The following SHISA9 variants were observed in gnomAD, a reference collection of about 807,000 sequenced individuals.
SHISA9 encodes shisa family member 9.
Under a neutral mutation model 38.0 loss-of-function variants are expected in SHISA9, and 13 were observed. That is an observed-to-expected ratio of 0.34 (90% CI 0.22 to 0.54). SHISA9 has a LOEUF of 0.54. SHISA9 is among the 20% of genes least tolerant of loss of function. SHISA9 has a pLI of 0.91. For missense variants in SHISA9, 538 were observed against 575.8 expected, an observed-to-expected ratio of 0.93 and a Z score of 0.67; for synonymous variants, 275 against 242.0, an observed-to-expected ratio of 1.14 and a Z score of -1.27.
intron 2 of SHISA9, among the ~76,000 whole-genome samples, chr16:13,060,180 C>A (rs536669256): frequency 5.3e-5 from 8 of 152,116 alleles, no homozygotes; most frequent in Non-Finnish European, 2.9e-5. Context: ...TCTCTCAATG[C>A]GCCCCGATGT....
At chr16:13,542,837 A>G in the SHISA9 span, among the ~76,000 whole-genome samples, 3 of 152,200 alleles carry the variant, frequency 2.0e-5, no homozygotes, top group African/African-American at 4.8e-5. Context: ...TTGGGGCTCG[A>G]GCAGCATCAA....
At chr16:13,017,720 G>A (rs2072774618) in intron 2 of SHISA9, among the ~76,000 whole-genome samples, 1 of 152,168 alleles carries the variant, frequency 6.6e-6, no homozygotes, top group Non-Finnish European at 1.5e-5. Flanking sequence ...GAATAGTTAA[G>A]TAGTAGACTC....
intron 2 of SHISA9, among the ~76,000 whole-genome samples, chr16:13,178,478 C>T (rs1479162946): frequency 2.6e-5 from 4 of 152,164 alleles, no homozygotes; most frequent in Admixed American, 6.5e-5. Flanking sequence ...TCTCCAAGCT[C>T]CCGACACAGC....
At chr16:13,136,347 C>T (rs564621507) in intron 2 of SHISA9, among the ~76,000 whole-genome samples, 1 of 148,166 alleles carries the variant, frequency 6.7e-6, no homozygotes, top group South Asian at 2.2e-4. Context: ...TAAATGTGCA[C>T]TTTCTCTGCT....
chr16:13,424,183 A>G, the SHISA9 span, among the ~76,000 whole-genome samples: 1 of 151,252 alleles, frequency 6.6e-6, no homozygotes, highest in African/African-American at 2.4e-5. Flanking sequence ...ACTCACGCCA[A>G]TTCTGCATTA....
chr16:13,365,454 CTTTTTTTT>C, the SHISA9 span, among the ~76,000 whole-genome samples: 1 of 112,522 alleles, frequency 8.9e-6, no homozygotes, highest in African/African-American at 3.5e-5. Context: ...GAGTATACCT[CTTTTTTTT>C]TTTTTTTTTT....
the SHISA9 span, among the ~76,000 whole-genome samples, chr16:13,366,581 G>T: frequency 6.6e-6 from 1 of 152,120 alleles, no homozygotes; most frequent in African/African-American, 2.4e-5. Context: ...AGAGGCTCAT[G>T]CCTGTAATCC....
At chr16:13,162,440 G>A (rs191478410) in intron 2 of SHISA9, among the ~76,000 whole-genome samples, 222 of 152,278 alleles carry the variant, frequency 1.5e-3, no homozygotes, top group Admixed American at 2.1e-3. Context: ...GAGGCGTAGG[G>A]ATGTTCTTTT....
Position 12,909,532 on chromosome 16 carries a change from A to G in SHISA9, c.563+6905A>G, listed in dbSNP as rs558291064. 16 of 985,402 alleles carry G rather than the reference A, an allele frequency of 1.6e-5. No homozygotes were observed. In the African/African-American group the frequency reaches 2.8e-4, roughly 17 times the overall value. 61.0% of individuals were successfully genotyped at this position (985,402 alleles called of 1,614,324 possible). A position where few individuals can be genotyped will look rare whatever the true frequency, so the allele number is the denominator to read the frequency against. On this transcript the variant is annotated intron_variant, in intron 1 of 4. Coordinates refer to ENST00000558583, the MANE Select transcript of SHISA9 (RefSeq NM_001145204.3). ...TTGTCATTGTAATTGGAAAGAAAAG[A>G]GATGCACCATTTTCTTCTTGTTCTT...
At chr16:13,429,430 C>A in the SHISA9 span, among the ~76,000 whole-genome samples, 2 of 152,138 alleles carry the variant, frequency 1.3e-5, no homozygotes, top group Non-Finnish European at 2.9e-5. Context: ...CTGCATTACC[C>A]TGATCTCTGC....
chr16:12,990,168 A>T (rs1177753198), intron 2 of SHISA9, among the ~76,000 whole-genome samples: 1 of 152,178 alleles, frequency 6.6e-6, no homozygotes, highest in East Asian at 1.9e-4. Flanking sequence ...CCTTTTCTTT[A>T]TCCAGTCTGT....
At position 13,062,997 on chromosome 16, in the gene SHISA9, G is replaced by T. The variant is rs2073393341; in HGVS notation, c.692-140397G>T. Among the ~76,000 whole-genome samples, 3 of 137,384 alleles carry T rather than the reference G, an allele frequency of 2.2e-5. No homozygotes were observed. The South Asian group carries it at 7.1e-4, about 33-fold the overall frequency. 90.1% of individuals were successfully genotyped at this position (137,384 alleles called of 152,430 possible). On this transcript the variant is annotated intron_variant, in intron 2 of 4. Coordinates refer to ENST00000558583, the MANE Select transcript of SHISA9 (RefSeq NM_001145204.3). Reference sequence around the variant, plus strand: ...TCACTAGCTGAGTGACCCTATCTCAGTTTCTTTTCTTTTTTTTTCTTTTTT... The same window carrying T: ...TCACTAGCTGAGTGACCCTATCTCATTTTCTTTTCTTTTTTTTTCTTTTTT...
At chr16:13,374,107 C>T in the SHISA9 span, among the ~76,000 whole-genome samples, 1 of 152,042 alleles carries the variant, frequency 6.6e-6, no homozygotes, top group Non-Finnish European at 1.5e-5. Flanking sequence ...TCACGTTGGC[C>T]AGCATTAGGC....
At chr16:13,269,932 C>G in the SHISA9 span, among the ~76,000 whole-genome samples, 1 of 152,142 alleles carries the variant, frequency 6.6e-6, no homozygotes, top group Non-Finnish European at 1.5e-5. Context: ...CTTTAAAGTT[C>G]CCCACTAGCG....
chr16:13,219,981 A>C (rs528455346), intron 4 of SHISA9, among the ~76,000 whole-genome samples: 16 of 152,200 alleles, frequency 1.1e-4, no homozygotes, highest in Admixed American at 5.9e-4. Context: ...AAGAATAGGA[A>C]AGAGATGCAT....
chr16:12,902,689 C>T lies in SHISA9; in HGVS notation c.563+62C>T, dbSNP rs557772157. On this transcript the variant is annotated intron_variant, in intron 1 of 4. Transcript: ENST00000558583. ...CGCTCTCCCTGCTCTCTCCTCCCCA[C>T]CTTCCCCCAGGCAATGGCGCTCCCC... is the stretch of plus-strand genomic sequence containing the variant. 2.5e-4 allele frequency: 356 copies of T among 1,433,544 alleles called. 1 individual carries two copies. The African/African-American group carries it at 4.5e-3, about 18-fold the overall frequency. The allele number at this position is 1,433,544 out of a possible 1,614,324, so 88.8% of individuals were successfully genotyped here. A position where few individuals can be genotyped will look rare whatever the true frequency, so the allele number is the denominator to read the frequency against.
the SHISA9 span, among the ~76,000 whole-genome samples, chr16:13,477,894 G>A: frequency 1.3e-5 from 2 of 152,298 alleles, no homozygotes; most frequent in South Asian, 4.1e-4. Context: ...GAACCCGGGA[G>A]GTGGAGGTTG....
the SHISA9 span, among the ~76,000 whole-genome samples, chr16:13,302,845 T>G: frequency 6.6e-6 from 1 of 152,178 alleles, no homozygotes; most frequent in Non-Finnish European, 1.5e-5. Flanking sequence ...GTTTCCTCCA[T>G]GCTGTTCTCA....
intron 4 of SHISA9, among the ~76,000 whole-genome samples, chr16:13,224,764 GTCT>G (rs1378761669): frequency 3.3e-5 from 5 of 152,182 alleles, no homozygotes; most frequent in African/African-American, 1.2e-4. Flanking sequence ...TGGTGGAGGT[GTCT>G]TCTTTGGGTA....
Sources: allele counts gnomAD v4.1 joint callset (sites outside exome capture counted in the v4.1 genomes callset), GRCh38; gene constraint gnomAD v4.1.1; transcripts MANE v1.5; gene names NCBI Gene and HGNC (gene_info 2026-07-23, HGNC 2026-07-21).